Variants in CTNND2 observed in about 807,000 individuals in gnomAD.
CTNND2 encodes catenin delta-2.
In CTNND2, 22 loss-of-function variants were observed where a neutral mutation model predicts 144.4. The observed-to-expected ratio is 0.15, with a 90% CI of 0.11 to 0.22. The LOEUF (loss-of-function observed/expected upper bound fraction) is 0.22. Among genes scored for constraint, CTNND2 ranks in the 10% least tolerant of loss-of-function variants. The pLI is 1.00. For synonymous variants in CTNND2, 751 were observed against 695.6 expected (o/e 1.08, Z -1.25); for missense variants, 1,353 against 1,618.8 (o/e 0.84, Z 2.82).
At chr5:11,690,475 G>A (rs1437770061) in intron 2 of CTNND2, among the ~76,000 whole-genome samples, 3 of 152,048 alleles carry the variant, frequency 2.0e-5, no homozygotes, top group Non-Finnish European at 4.4e-5. Flanking sequence ...TCTCACTTAA[G>A]AAATCTATGC....
intron 12 of CTNND2, among the ~76,000 whole-genome samples, chr5:11,132,433 C>T (rs1189936909): frequency 6.6e-6 from 1 of 152,118 alleles, no homozygotes; most frequent in African/African-American, 2.4e-5. Context: ...AGGATGAGAA[C>T]CTTCTTGAAT....
At chr5:11,590,632 G>A (rs980589210) in intron 2 of CTNND2, among the ~76,000 whole-genome samples, 4 of 150,102 alleles carry the variant, frequency 2.7e-5, no homozygotes, top group African/African-American at 9.9e-5. Flanking sequence ...CACCCTCCCT[G>A]CCCTTGTAAA....
At chr5:11,067,657 C>A (rs1362465556) in intron 16 of CTNND2, among the ~76,000 whole-genome samples, 1 of 152,224 alleles carries the variant, frequency 6.6e-6, no homozygotes. Flanking sequence ...GGGCAGGAAA[C>A]CCTGCCCTCA....
chr5:11,477,746 T>C (rs1767892035), intron 3 of CTNND2, among the ~76,000 whole-genome samples: 2 of 152,164 alleles, frequency 1.3e-5, no homozygotes, highest in Non-Finnish European at 2.9e-5. Context: ...AACTACTCTT[T>C]CCAAATGTGT....
At position 11,505,197 on chromosome 5, in the gene CTNND2, TAA is replaced by T. The variant is rs5865951; in HGVS notation, c.287+59745_287+59746del. On this transcript the variant is annotated intron_variant, in intron 3 of 21. Transcript: ENST00000304623. ...TACGACAAATGATAAGAGGAATCATTAAAAAAAAAAAAAGTCGAGAAAGTCTC... is the reference window on the plus strand; with the variant it reads ...TACGACAAATGATAAGAGGAATCATTAAAAAAAAAAAGTCGAGAAAGTCTC... 2.0e-3 allele frequency among the ~76,000 whole-genome samples: 290 copies of T among 145,000 alleles called. 2 individuals carry two copies. The highest frequency in any genetic ancestry group is 6.7e-3 in the African/African-American group (267 of 40,006).
chr5:11,551,432 C>CTTTTTTTTT lies in CTNND2; in HGVS notation c.287+13503_287+13511dup, dbSNP rs70949326. On this transcript the variant is annotated intron_variant, in intron 3 of 21. Coordinates refer to ENST00000304623, the MANE Select transcript of CTNND2 (RefSeq NM_001332.4). ...AGCATATTTATGCTTTTTCTTTTTT[C>CTTTTTTTTT]TTTTTTTTTTTTTTTTTTTTTGATA... 3.3e-4 allele frequency among the ~76,000 whole-genome samples: 33 copies of CTTTTTTTTT among 100,916 alleles called. 1 individual carries two copies. The highest frequency in any genetic ancestry group is 9.0e-4 in the African/African-American group (25 of 27,662). 66.2% of individuals were successfully genotyped at this position (100,916 alleles called of 152,430 possible).
chr5:11,581,375 A>G (rs1581549309), intron 2 of CTNND2, among the ~76,000 whole-genome samples: 1 of 152,262 alleles, frequency 6.6e-6, no homozygotes, highest in African/African-American at 2.4e-5. Flanking sequence ...CTATGAAGAT[A>G]TTAGTCCAAG....
At chr5:11,590,599 T>C (rs1383047210) in intron 2 of CTNND2, among the ~76,000 whole-genome samples, 1 of 151,968 alleles carries the variant, frequency 6.6e-6, no homozygotes, top group Non-Finnish European at 1.5e-5. Flanking sequence ...CCCTTGTGAA[T>C]GTACCCTGCC....
Position 11,732,103 on chromosome 5 carries a change from A to G in CTNND2, c.174+33T>C, listed in dbSNP as rs1201680786. The G allele has an allele frequency of 5.6e-6, 9 of 1,596,998 alleles. 1 individual carries two copies. In the Admixed American group the frequency reaches 1.5e-4, roughly 27 times the overall value. On this transcript the variant is annotated intron_variant, in intron 2 of 21. Coordinates refer to ENST00000304623, the MANE Select transcript of CTNND2 (RefSeq NM_001332.4). The stretch of plus-strand genomic sequence containing the variant: ...GAAAAACAATTTTTAAAATGTCCCC[A>G]AACGCATATCACAAAAATGGGAATG...
chr5:11,853,623 G>T (rs1482445437), intron 1 of CTNND2, among the ~76,000 whole-genome samples: 1 of 152,166 alleles, frequency 6.6e-6, no homozygotes, highest in Non-Finnish European at 1.5e-5. Flanking sequence ...TGGTGAACTT[G>T]AAACTCATCT....
intron 2 of CTNND2, among the ~76,000 whole-genome samples, chr5:11,710,396 T>C (rs912804678): frequency 2.6e-5 from 4 of 151,960 alleles, no homozygotes; most frequent in Non-Finnish European, 5.9e-5. Flanking sequence ...AAAAATTAGC[T>C]GGGCATGGTG....
chr5:11,170,569 TACACACACATAC>T (rs979312568), intron 11 of CTNND2, among the ~76,000 whole-genome samples: 66 of 151,584 alleles, frequency 4.4e-4, no homozygotes, highest in African/African-American at 1.1e-3. Context: ...AAAACACACA[TACACACACATAC>T]ACACACACAT....
At chr5:11,834,271 AC>A (rs1423586170) in intron 1 of CTNND2, among the ~76,000 whole-genome samples, 1 of 152,176 alleles carries the variant, frequency 6.6e-6, no homozygotes, top group African/African-American at 2.4e-5. Context: ...ACATCATAGC[AC>A]CTTACCCTCT....
chr5:10,996,045 A>G lies in CTNND2; in HGVS notation c.3085-3368T>C, dbSNP rs542238336. ...CTTGAGTTGGGTGGGGAGCGAGCTGACTGGCCAGGGCAAGTGGCCGGGGTG... is the reference window on the plus strand; with the variant it reads ...CTTGAGTTGGGTGGGGAGCGAGCTGGCTGGCCAGGGCAAGTGGCCGGGGTG... On this transcript the variant is annotated intron_variant, in intron 18 of 21. Transcript: ENST00000304623. 1.4e-4 allele frequency among the ~76,000 whole-genome samples: 21 copies of G among 152,220 alleles called. No individual in the cohort carries two copies. The East Asian group carries it at 3.9e-3, about 28-fold the overall frequency.
At chr5:11,427,062 C>G (rs924067037) in intron 3 of CTNND2, among the ~76,000 whole-genome samples, 1 of 152,076 alleles carries the variant, frequency 6.6e-6, no homozygotes, top group Non-Finnish European at 1.5e-5. Flanking sequence ...AAGTTAAATG[C>G]TCTTATATTT....
chr5:11,688,076 A>G (rs752632586), intron 2 of CTNND2, among the ~76,000 whole-genome samples: 1 of 152,172 alleles, frequency 6.6e-6, no homozygotes. Context: ...GGTGGAGCAG[A>G]TCATAGTGGT....
At chr5:11,242,589 C>T (rs1472983888) in intron 9 of CTNND2, among the ~76,000 whole-genome samples, 1 of 152,214 alleles carries the variant, frequency 6.6e-6, no homozygotes, top group African/African-American at 2.4e-5. Context: ...AAGCAGCCAA[C>T]CTTATGCAGT....
intron 3 of CTNND2, among the ~76,000 whole-genome samples, chr5:11,444,494 A>C (rs893867906): frequency 6.6e-6 from 1 of 152,058 alleles, no homozygotes; most frequent in Non-Finnish European, 1.5e-5. Flanking sequence ...AAGGAAGTAT[A>C]AGATGAAGGG....
chr5:11,779,132 A>G (rs1339981527), intron 1 of CTNND2, among the ~76,000 whole-genome samples: 1 of 152,172 alleles, frequency 6.6e-6, no homozygotes, highest in Non-Finnish European at 1.5e-5. Flanking sequence ...TATCCGCCAT[A>G]TGTTCTTGTT....
Sources: gnomAD v4.1 joint callset for allele counts (sites outside exome capture counted in the v4.1 genomes callset) on GRCh38, gnomAD v4.1.1 for gene constraint, MANE v1.5 for transcripts, NCBI Gene and HGNC (gene_info 2026-07-23, HGNC 2026-07-21) for gene names.